Variants in ACOX3 observed in about 807,000 individuals in gnomAD.
ACOX3 encodes the protein peroxisomal acyl-coenzyme A oxidase 3.
In ACOX3, 73 loss-of-function variants were observed where a neutral mutation model predicts 81.5. That is an observed-to-expected ratio of 0.90 (90% CI 0.74 to 1.09). ACOX3 has a LOEUF of 1.09. Ranked by LOEUF, ACOX3 falls within the 50% of genes least tolerant of loss-of-function variation. The pLI is 0.00. For synonymous variants in ACOX3, 387 were observed against 375.1 expected (o/e 1.03, Z -0.37); for missense variants, 947 against 928.0 (o/e 1.02, Z -0.27).
chr4:8,401,118 T>C (rs932487707), intron 7 of ACOX3, among the ~76,000 whole-genome samples: 3 of 151,994 alleles, frequency 2.0e-5, no homozygotes, highest in African/African-American at 7.3e-5. Flanking sequence ...AAGAATCTAA[T>C]GCCGCCACCG....
In ACOX3 at chr4:8,431,845, C is replaced by G. The variant is rs1297232441; in HGVS notation, c.-15+8803G>C. Among the ~76,000 whole-genome samples, 2 of 152,234 alleles carry G rather than the reference C, an allele frequency of 1.3e-5. No individual in the cohort carries two copies. The highest frequency in any genetic ancestry group is 4.8e-5 in the African/African-American group (2 of 41,448). On this transcript the variant is annotated intron_variant, in intron 1 of 17. Transcript: ENST00000356406. The surrounding 1 kb of genome is among the most constrained non-coding windows in gnomAD (Gnocchi z 5.3). ...CAGTTTTAGACCTTGGTGCTATTGACTGTCATTGGCCATTGTTGTTATGTG... is the reference window on the plus strand; with the variant it reads ...CAGTTTTAGACCTTGGTGCTATTGAGTGTCATTGGCCATTGTTGTTATGTG...
chr4:8,360,572 T>C, the ACOX3 span, among the ~76,000 whole-genome samples: 4 of 151,694 alleles, frequency 2.6e-5, no homozygotes, highest in African/African-American at 9.7e-5. Flanking sequence ...CCTGGGTTCA[T>C]GCCATTCTCC....
chr4:8,424,076 T>C (rs185956356), intron 1 of ACOX3, among the ~76,000 whole-genome samples: 1 of 152,322 alleles, frequency 6.6e-6, no homozygotes, highest in East Asian at 1.9e-4. Flanking sequence ...GGGCTAAAAT[T>C]ATCCAGACAC....
At position 8,373,548 on chromosome 4, in the gene ACOX3, A is replaced by G. The variant is rs1716534770; in HGVS notation, c.1896+13T>C. The G allele has an allele frequency of 6.2e-7, 1 of 1,613,436 alleles. No individual in the cohort carries two copies. The highest frequency in any genetic ancestry group is 8.5e-7 in the Non-Finnish European group (1 of 1,179,860). On this transcript the variant is annotated intron_variant, in intron 16 of 17. Coordinates refer to ENST00000356406, the MANE Select transcript of ACOX3 (RefSeq NM_003501.3). ...ACATGGATGTAGAGAACGCGACAGC[A>G]CCCACGGCTCACCTGGGAACACAAA...
chr4:8,404,201 C>T (rs1260205383), intron 7 of ACOX3, among the ~76,000 whole-genome samples: 1 of 152,236 alleles, frequency 6.6e-6, no homozygotes. Context: ...GCCTGAACAG[C>T]GACCCTCCAT....
chr4:8,356,276 C>A, the ACOX3 span: 1 of 352,304 alleles, frequency 2.8e-6, no homozygotes, highest in South Asian at 2.2e-5. Context: ...AGACTCTGCT[C>A]CCTCATCCCC....
chr4:8,385,770 C>T lies in ACOX3; in HGVS notation c.1537+3403G>A, dbSNP rs1345402502. On this transcript the variant is annotated intron_variant, in intron 13 of 17. Coordinates refer to ENST00000356406, the MANE Select transcript of ACOX3 (RefSeq NM_003501.3). This position sits in a 1 kb window ranked among gnomAD's most constrained non-coding sequence, Gnocchi z 5.5. ...TCCAGTCCTGCAGAGCCTGAGGGCC[C>T]CACATCACTTAAACAGCTTTTACCA... Among the ~76,000 whole-genome samples the T allele has an allele frequency of 6.6e-6, 1 of 152,222 alleles. No individual in the cohort carries two copies. Among genetic ancestry groups the T allele is most frequent in the African/African-American group, 2.4e-5 (1 of 41,454 alleles).
intron 16 of ACOX3, among the ~76,000 whole-genome samples, chr4:8,372,320 G>A (rs548318361): frequency 2.0e-5 from 3 of 152,152 alleles, no homozygotes; most frequent in South Asian, 2.1e-4. Flanking sequence ...GGCTGGTCTC[G>A]AACTCCTGGC....
At position 8,381,736 on chromosome 4, in the gene ACOX3, G is replaced by A. The variant is rs1309488402; in HGVS notation, c.1538-129C>T. The A allele has an allele frequency of 1.5e-6, 1 of 675,336 alleles. No homozygotes were observed. The highest frequency in any genetic ancestry group is 2.6e-5 in the Admixed American group (1 of 37,750). The allele number at this position is 675,336 out of a possible 1,614,324, so 41.8% of individuals were successfully genotyped here. On this transcript the variant is annotated intron_variant, in intron 13 of 17. Coordinates refer to ENST00000356406, the MANE Select transcript of ACOX3 (RefSeq NM_003501.3). The surrounding 1 kb of genome is among the most constrained non-coding windows in gnomAD (Gnocchi z 4.3). ...AGGTTGTCTTCATTGACAACCAAGT[G>A]TATGGGGTGGGTCTGATTTTATAGG...
At chr4:8,378,601 C>T (rs919796252) in intron 14 of ACOX3, among the ~76,000 whole-genome samples, 2 of 151,764 alleles carry the variant, frequency 1.3e-5, no homozygotes, top group African/African-American at 4.9e-5. Flanking sequence ...GCTGCGGGGA[C>T]GCCATCGCCC....
In ACOX3 at chr4:8,370,452, G is replaced by A. The variant is rs888216334; in HGVS notation, c.1983+456C>T. On this transcript the variant is annotated intron_variant, in intron 17 of 17. Transcript: ENST00000356406. The surrounding 1 kb of genome is among the most constrained non-coding windows in gnomAD (Gnocchi z 6.3). ...GGCGGTTGGGGGAAAGCGGGGCAGG[G>A]GAGAGTAACCCCGGTGACAACCATG... is the stretch of plus-strand genomic sequence containing the variant. Among the ~76,000 whole-genome samples, 9 of 152,088 alleles carry A rather than the reference G, an allele frequency of 5.9e-5. No individual in the cohort carries two copies. Among genetic ancestry groups the A allele is most frequent in the Non-Finnish European group, 1.2e-4 (8 of 67,996 alleles).
downstream of ACOX3, among the ~76,000 whole-genome samples, chr4:8,361,576 T>C (rs556590107): frequency 6.6e-6 from 1 of 152,206 alleles, no homozygotes; most frequent in Non-Finnish European, 1.5e-5. Flanking sequence ...AAAGGGGTAT[T>C]ATTCAGTTTT....
rs148853379 is a variant in ACOX3, at chr4:8,381,565, C to T, written c.1580G>A (p.Arg527Gln). The T allele has an allele frequency of 1.7e-4, 279 of 1,613,978 alleles. No homozygotes were observed. The African/African-American group carries it at 2.7e-3, about 15-fold the overall frequency. Residue 527 changes from arginine to glutamine, a missense_variant, in exon 14 of 18, where the codon CGA becomes CAA. Physicochemically the swap from Arg to Gln is conservative, Grantham distance 43. Coordinates refer to ENST00000356406, the MANE Select transcript of ACOX3 (RefSeq NM_003501.3). This position sits in a 1 kb window ranked among gnomAD's most constrained non-coding sequence, Gnocchi z 4.3. ...AYKWLVCYLL[R>Q]ETYQKLNQEK... ...TTGGTTTAATTTTTGATAAGTCTCT[C>T]GGAGCAGGTAGCAAACCAGCCACTT...
intron 1 of ACOX3, chr4:8,436,166 C>G (rs1666853632): frequency 6.6e-6 from 1 of 152,198 alleles, no homozygotes; most frequent in Non-Finnish European, 1.5e-5. Context: ...TTGTTCCCAG[C>G]AGCTAGAGCC....
intron 14 of ACOX3, among the ~76,000 whole-genome samples, chr4:8,377,764 T>C (rs980263412): frequency 2.0e-5 from 3 of 152,182 alleles, no homozygotes; most frequent in African/African-American, 7.2e-5. Flanking sequence ...CAAGGTGGGC[T>C]GGGGCCCAGG....
rs1722118049 is a variant in ACOX3 at position 8,414,526 on chromosome 4, GAGTC to G, written c.454-149_454-146del. 2 of 786,020 alleles carry G rather than the reference GAGTC, an allele frequency of 2.5e-6. No homozygotes were observed. The highest frequency in any genetic ancestry group is 2.1e-6 in the Non-Finnish European group (1 of 474,090). The allele number at this position is 786,020 out of a possible 1,614,324, so 48.7% of individuals were successfully genotyped here. On this transcript the variant is annotated intron_variant, in intron 4 of 17. Coordinates refer to ENST00000356406, the MANE Select transcript of ACOX3 (RefSeq NM_003501.3). This position sits in a 1 kb window ranked among gnomAD's most constrained non-coding sequence, Gnocchi z 6.1. ...CATCTACCCAACTAGTGACTTGACT[GAGTC>G]ATGCTGCCACACTCAGCTGGCAACC...
chr4:8,356,537 A>G, the ACOX3 span: 143 of 455,516 alleles, frequency 3.1e-4, no homozygotes, highest in African/African-American at 2.6e-3. Flanking sequence ...ATGTCCACAG[A>G]GTATGACCCA....
the ACOX3 span, chr4:8,355,317 A>G: frequency 6.6e-5 from 10 of 152,364 alleles, no homozygotes; most frequent in Admixed American, 6.5e-4. Context: ...TTTGGAAAAG[A>G]TGAGAAACGA....
rs372221500 is a variant in ACOX3 at position 8,429,894 on chromosome 4, T to C, written c.-15+10754A>G. Among the ~76,000 whole-genome samples, 7 of 150,538 alleles carry C rather than the reference T, an allele frequency of 4.6e-5. No homozygotes were observed. In the East Asian group the frequency reaches 5.9e-4, roughly 13 times the overall value. On this transcript the variant is annotated intron_variant, in intron 1 of 17. Transcript: ENST00000356406. ...GAGTTTGAGTCTAGCCTGGGCAACA[T>C]AGTGAGACTCTGCATTAAAAAAAAA... is the stretch of plus-strand genomic sequence containing the variant.
Sources: allele counts gnomAD v4.1 joint callset (sites outside exome capture counted in the v4.1 genomes callset), GRCh38; gene constraint gnomAD v4.1.1; non-coding constraint Gnocchi (gnomAD v3.1); transcripts MANE v1.5; gene names NCBI Gene and HGNC (gene_info 2026-07-23, HGNC 2026-07-21).